Variants in MESP1 observed in about 807,000 individuals in gnomAD.
MESP1 encodes the protein mesoderm posterior protein 1.
A neutral mutation model predicts 15.2 loss-of-function variants in MESP1; 22 were observed. The ratio of observed to expected loss-of-function variants is 1.45; its 90% confidence interval spans 1.04 to 2.07. MESP1 has a LOEUF of 2.07. Ranked by LOEUF, MESP1 falls within the 30% of genes most tolerant of loss-of-function variation. The pLI is 0.00. For synonymous variants in MESP1, 216 were observed against 192.6 expected (o/e 1.12, Z -1.01); for missense variants, 484 against 411.9 (o/e 1.17, Z -1.51).
downstream of MESP1, among the ~76,000 whole-genome samples, chr15:89,746,313 T>TATCCACACAGC (rs1021648932): frequency 1.2e-5 from 1 of 83,428 alleles, no homozygotes; most frequent in Admixed American, 1.3e-4. Context: ...ATCCACACAG[T>TATCCACACAGC]ATCCACACAG....
the MESP1 span, chr15:89,735,441 T>C: frequency 1.1e-4 from 176 of 1,594,206 alleles, no homozygotes; most frequent in Non-Finnish European, 1.3e-4. Flanking sequence ...ATATCAAAAC[T>C]TTTAAACTCT....
the MESP1 span, chr15:89,737,536 C>T: frequency 1.2e-6 from 2 of 1,613,196 alleles, no homozygotes; most frequent in South Asian, 2.2e-5. Context: ...GGACAGAGTC[C>T]AGTAGAAGCC....
downstream of MESP1, among the ~76,000 whole-genome samples, chr15:89,748,510 T>A (rs989961402): frequency 6.6e-6 from 1 of 152,200 alleles, no homozygotes; most frequent in African/African-American, 2.4e-5. Context: ...CCGAGCGGCA[T>A]CAGCGGATGA....
chr15:89,745,231 G>A (rs1417239571), downstream of MESP1, among the ~76,000 whole-genome samples: 1 of 152,198 alleles, frequency 6.6e-6, no homozygotes, highest in African/African-American at 2.4e-5. This position sits in a 1 kb window ranked among gnomAD's most constrained non-coding sequence, Gnocchi z 4.8. Flanking sequence ...TGAGGGGAGA[G>A]CGGGTGGGGA....
the MESP1 span, among the ~76,000 whole-genome samples, chr15:89,744,239 T>A: frequency 6.6e-6 from 1 of 152,190 alleles, no homozygotes; most frequent in African/African-American, 2.4e-5. Flanking sequence ...ATCCACCTCC[T>A]CCCTGGGTCA....
downstream of MESP1, among the ~76,000 whole-genome samples, chr15:89,748,218 TCC>T (rs1403091680): frequency 0.016 from 2,417 of 152,302 alleles, 70 homozygotes; most frequent in African/African-American, 0.055. Context: ...CTGTGTCGGC[TCC>T]AGAAAACTTC....
Sources: allele counts gnomAD v4.1 joint callset (sites outside exome capture counted in the v4.1 genomes callset), GRCh38; gene constraint gnomAD v4.1.1; non-coding constraint Gnocchi (gnomAD v3.1); transcripts MANE v1.5; gene names NCBI Gene and HGNC (gene_info 2026-07-23, HGNC 2026-07-21).